SLC36A1: variants seen among roughly 807,000 people sequenced by gnomAD.
SLC36A1 encodes solute carrier family 36 member 1.
Under a neutral mutation model 47.5 loss-of-function variants are expected in SLC36A1, and 30 were observed. That is an observed-to-expected ratio of 0.63 (90% CI 0.47 to 0.86). SLC36A1 has a LOEUF of 0.86. Among genes scored for constraint, SLC36A1 ranks in the 40% least tolerant of loss-of-function variants. The pLI is 0.00. For missense variants in SLC36A1, 517 were observed against 606.0 expected (o/e 0.85, Z 1.54); for synonymous variants, 255 against 249.7 (o/e 1.02, Z -0.20).
At chr5:151,466,325 T>G (rs1259088672) in intron 5 of SLC36A1, among the ~76,000 whole-genome samples, 1 of 152,238 alleles carries the variant, frequency 6.6e-6, no homozygotes, top group Non-Finnish European at 1.5e-5. Flanking sequence ...ATGGGTAGCC[T>G]TTTGGAATTT....
chr5:151,519,938 C>T, the SLC36A1 span, among the ~76,000 whole-genome samples: 5 of 152,162 alleles, frequency 3.3e-5, no homozygotes, highest in Middle Eastern at 3.2e-3. Context: ...TTTAAAATCA[C>T]GCTCTCCAGT....
chr5:151,500,707 C>A, the SLC36A1 span, among the ~76,000 whole-genome samples: 1 of 152,154 alleles, frequency 6.6e-6, no homozygotes, highest in East Asian at 1.9e-4. Flanking sequence ...AGATAAGACG[C>A]TGAGTGCTTG....
chr5:151,535,650 G>A, the SLC36A1 span, among the ~76,000 whole-genome samples: 30 of 152,178 alleles, frequency 2.0e-4, no homozygotes, highest in East Asian at 1.2e-3. Flanking sequence ...CAAATTAATC[G>A]AACCCAAAGA....
chr5:151,543,264 G>C, the SLC36A1 span: 4 of 1,614,178 alleles, frequency 2.5e-6, no homozygotes, highest in African/African-American at 1.3e-5. Flanking sequence ...TCACTGAGTA[G>C]GTGACATCTG....
At chr5:151,477,646 A>G (rs1367097680) in intron 9 of SLC36A1, 3 of 152,238 alleles carry the variant, frequency 2.0e-5, no homozygotes, top group Non-Finnish European at 1.5e-5. Flanking sequence ...TACCAATTAT[A>G]TATATGGATG....
chr5:151,345,510 C>G, the SLC36A1 span, among the ~76,000 whole-genome samples: 1 of 152,104 alleles, frequency 6.6e-6, no homozygotes, highest in African/African-American at 2.4e-5. Context: ...CTTCCTGAGT[C>G]TCTGTACATA....
the SLC36A1 span, among the ~76,000 whole-genome samples, chr5:151,385,411 T>G: frequency 3.3e-5 from 5 of 152,340 alleles, no homozygotes; most frequent in South Asian, 8.3e-4. Context: ...TTGAGCAGAC[T>G]GTGGGGCTCC....
chr5:151,345,851 T>A, the SLC36A1 span, among the ~76,000 whole-genome samples: 1 of 152,362 alleles, frequency 6.6e-6, no homozygotes, highest in South Asian at 2.1e-4. Flanking sequence ...GACTGTCATC[T>A]TATTCACAGC....
rs145106694 is a variant in SLC36A1 at position 151,484,415 on chromosome 5, C to T, written c.1160-3568C>T. Among the ~76,000 whole-genome samples the T allele has an allele frequency of 2.0e-3, 312 of 152,290 alleles. 4 individuals carry two copies. Among genetic ancestry groups the T allele is most frequent in the African/African-American group, 7.3e-3 (303 of 41,550 alleles). ...CTCCCTTTTGGGCAAGCCATGTGTT[C>T]GAGGCTTGGAGCCCCATCGCTTTGC... On this transcript the variant is annotated intron_variant, in intron 10 of 10. Coordinates refer to ENST00000243389, the MANE Select transcript of SLC36A1 (RefSeq NM_078483.4).
intron 10 of SLC36A1, 135 bp downstream of exon 10, chr5:151,479,624 C>T: frequency 2.0e-6 from 2 of 978,158 alleles, no homozygotes; most frequent in Non-Finnish European, 3.0e-6. Flanking sequence ...CCCATGGCCT[C>T]ACTTTCAGAG....
chr5:151,473,219 T>TAGAA lies in SLC36A1; in HGVS notation c.724-451_724-450insAAGA, dbSNP rs767365636. ...ATAGATAGATAGATAGATAGATAGA[T>TAGAA]AGATAGAATATATATTCTGTGGTTT... On this transcript the variant is annotated intron_variant, in intron 7 of 10. Transcript: ENST00000243389. Among the ~76,000 whole-genome samples the TAGAA allele has an allele frequency of 2.2e-4, 28 of 128,930 alleles. 1 individual carries two copies. Among genetic ancestry groups the TAGAA allele is most frequent in the South Asian group, 7.2e-4 (3 of 4,182 alleles). The allele number at this position is 128,930 out of a possible 152,430, so 84.6% of individuals were successfully genotyped here. A position where few individuals can be genotyped will look rare whatever the true frequency, so the allele number is the denominator to read the frequency against.
chr5:151,500,989 G>A, the SLC36A1 span, among the ~76,000 whole-genome samples: 2 of 152,214 alleles, frequency 1.3e-5, no homozygotes, highest in African/African-American at 4.8e-5. Context: ...AGGTGGGCTG[G>A]TTAAGAAGGC....
At chr5:151,554,111 C>A in the SLC36A1 span, among the ~76,000 whole-genome samples, 2 of 152,224 alleles carry the variant, frequency 1.3e-5, no homozygotes, top group African/African-American at 4.8e-5. Flanking sequence ...GCCCCTGTTA[C>A]TCTCACTAAA....
the SLC36A1 span, chr5:151,553,086 G>A: frequency 7.5e-7 from 1 of 1,332,340 alleles, no homozygotes. Flanking sequence ...CCGACCTTGA[G>A]AAGAGTCAGA....
At chr5:151,553,217 G>C in the SLC36A1 span, 1 of 1,614,236 alleles carries the variant, frequency 6.2e-7, no homozygotes, top group Non-Finnish European at 8.5e-7. Context: ...TGCCCTCTAC[G>C]CTGATGACCC....
chr5:151,529,259 A>G, the SLC36A1 span: 5 of 1,614,000 alleles, frequency 3.1e-6, no homozygotes, highest in East Asian at 4.5e-5. Context: ...GCCGGTGTTC[A>G]TTGACATCAG....
the SLC36A1 span, chr5:151,542,164 G>A: frequency 4.4e-6 from 4 of 902,340 alleles, no homozygotes; most frequent in Non-Finnish European, 6.7e-6. Context: ...GGGGTTAAGT[G>A]TGCCCAAGGT....
chr5:151,401,899 T>C, the SLC36A1 span, among the ~76,000 whole-genome samples: 1 of 152,290 alleles, frequency 6.6e-6, no homozygotes, highest in East Asian at 1.9e-4. Flanking sequence ...TTTGGCAGTC[T>C]TTAGGGTTTT....
the SLC36A1 span, chr5:151,506,171 A>G: frequency 6.9e-7 from 1 of 1,448,006 alleles, no homozygotes; most frequent in East Asian, 2.4e-5. Context: ...TAGCAACTAT[A>G]TATAACCTAG....
Sources: allele counts gnomAD v4.1 joint callset (sites outside exome capture counted in the v4.1 genomes callset), GRCh38; gene constraint gnomAD v4.1.1; transcripts MANE v1.5; gene names NCBI Gene and HGNC (gene_info 2026-07-23, HGNC 2026-07-21).